Variants in ZNF669 observed in about 807,000 individuals in gnomAD.
ZNF669 encodes the protein zinc finger protein 669.
A neutral mutation model predicts 11.4 loss-of-function variants in ZNF669; 7 were observed. The observed-to-expected ratio is 0.62, with a 90% CI of 0.35 to 1.16. The LOEUF (loss-of-function observed/expected upper bound fraction) is 1.16, where lower values mean the gene tolerates loss of function less well. Among genes scored for constraint, ZNF669 ranks in the 50% most tolerant of loss-of-function variants. The pLI is 0.02. For missense variants in ZNF669, 492 were observed against 463.6 expected, an observed-to-expected ratio of 1.06 and a Z score of -0.56; for synonymous variants, 153 against 155.8, an observed-to-expected ratio of 0.98 and a Z score of 0.13.
In ZNF669 at chr1:247,100,577, C is replaced by T; in HGVS notation, c.934G>A (p.Ala312Thr). The change falls in exon 4 of 4, where the codon GCC becomes ACC. Residue 312 changes from alanine (A) to threonine (T), a missense_variant. Ala to Thr is a moderately conservative substitution (Grantham distance 58, BLOSUM62 0). Coordinates refer to ENST00000448299, the MANE Select transcript of ZNF669 (RefSeq NM_001142572.2). ...TGAAGGGAACTGAGGCGACTGAAGG[C>T]TTGATCACATTGTTTACATTCATAG... ...KPYECKQCDQ[A>T]FSRLSSLHLH... 1 of 1,614,158 alleles carries T rather than the reference C, an allele frequency of 6.2e-7. No individual in the cohort carries two copies. The highest frequency in any genetic ancestry group is 8.5e-7 in the Non-Finnish European group (1 of 1,180,016).
At chr1:247,104,071 C>G in intron 1 of ZNF669, 126 bp downstream of exon 1, 1 of 1,583,920 alleles carries the variant, frequency 6.3e-7, no homozygotes. Flanking sequence ...GGACTGAGCC[C>G]CGGCTACGCC....
At position 247,101,718 on chromosome 1, in the gene ZNF669, CAG is replaced by C. The variant is rs1558358634; in HGVS notation, c.191+11_191+12del. On this transcript the variant is annotated intron_variant, in intron 3 of 3. Transcript: ENST00000448299. ...TTCAGAGGACTTTATTTCCTCTGCT[CAG>C]TGCAAATTACCTTATATCTTTCCCA... 2 of 1,612,476 alleles carry C rather than the reference CAG, an allele frequency of 1.2e-6. No individual in the cohort carries two copies. Among genetic ancestry groups the C allele is most frequent in the Admixed American group, 3.3e-5 (2 of 59,830 alleles).
At chr1:247,103,758 T>C (rs1671778567) in intron 1 of ZNF669, among the ~76,000 whole-genome samples, 1 of 151,564 alleles carries the variant, frequency 6.6e-6, no homozygotes, top group South Asian at 2.1e-4. Flanking sequence ...ACCTGGTTTA[T>C]GAATCGCCGT....
Position 247,100,734 on chromosome 1 carries a change from A to C in ZNF669, c.777T>G (p.Cys259Trp), listed in dbSNP as rs764197088. ...KCTKCDKAFS[C>W]STSLRYHGSI... is the part of the protein sequence containing the mutation. The stretch of plus-strand genomic sequence containing the variant: ...TTCCATGGTAACGAAGGGAAGTGGA[A>C]CAGCTGAAGGCTTTATCACATTTGG... The change falls in exon 4 of 4, where the codon TGT (cysteine) becomes TGG (tryptophan). Residue 259 changes from cysteine (C) to tryptophan (W), a missense_variant. Cys to Trp is a radical substitution (Grantham distance 215, BLOSUM62 -2). Coordinates refer to ENST00000448299, the MANE Select transcript of ZNF669 (RefSeq NM_001142572.2). 1 of 1,614,218 alleles carries C rather than the reference A, an allele frequency of 6.2e-7. No homozygotes were observed. Among genetic ancestry groups the C allele is most frequent in the Non-Finnish European group, 8.5e-7 (1 of 1,180,018 alleles).
chr1:247,101,866 T>C (rs1266507255), intron 2 of ZNF669, 75 bp from the exon 3 acceptor site: 1 of 1,602,350 alleles, frequency 6.2e-7, no homozygotes, highest in Non-Finnish European at 8.5e-7. Flanking sequence ...ATGTTCACTG[T>C]ACACAGTGCC....
In ZNF669 at chr1:247,100,561, C is replaced by T; in HGVS notation, c.950G>A (p.Ser317Asn). 6.2e-7 allele frequency: 1 copy of T among 1,614,200 alleles called. No homozygotes were observed. The highest frequency in any genetic ancestry group is 8.5e-7 in the Non-Finnish European group (1 of 1,180,036). ...KQCDQAFSRL[S>N]SLHLHERIHT... The stretch of plus-strand genomic sequence containing the variant: ...AATTCTTTCGTGGAGGTGAAGGGAA[C>T]TGAGGCGACTGAAGGCTTGATCACA... Residue 317 changes from serine to asparagine, a missense_variant, in exon 4 of 4, where the codon AGT (serine) becomes AAT (asparagine). By Grantham distance (46) the Ser-to-Asn change is conservative. Transcript: ENST00000448299.
In ZNF669 at chr1:247,101,745, A is replaced by T; in HGVS notation, c.177T>A (p.Pro59=). The T allele has an allele frequency of 6.2e-7, 1 of 1,613,968 alleles. No homozygotes were observed. Among genetic ancestry groups the T allele is most frequent in the African/African-American group, 1.3e-5 (1 of 75,034 alleles). Residue 59 remains proline, a synonymous_variant, in exon 3 of 4, where the codon CCT becomes CCA. Transcript: ENST00000448299. ...GTGCAAATTACCTTATATCTTTCCC[A>T]GGTTTTTCGAAGTGATCTTCAATAT... ...DQNIEDHFEK[P]GKDIRNHIVQ... is the part of the protein sequence containing the mutation.
intron 3 of ZNF669, 86 bp downstream of exon 3, chr1:247,101,643 CTT>C (rs893923315): frequency 1.3e-5 from 16 of 1,263,924 alleles, no homozygotes; most frequent in East Asian, 4.7e-5. Context: ...TCAAGTGACT[CTT>C]ATTTGTTTTG....
rs1424714814 is a variant in ZNF669 at position 247,100,879 on chromosome 1, T to A, written c.632A>T (p.Glu211Val). The A allele has an allele frequency of 1.9e-6, 3 of 1,614,072 alleles. No homozygotes were observed. The African/African-American group carries it at 4.0e-5, about 22-fold the overall frequency. ...FTVSGSCLIH[E>V]RTHTGEKPYE... ...GGGTTTCTCTCCAGTGTGAGTTCGT[T>A]CATGTATTAGACAAGAACCGGAAAC... The change falls in exon 4 of 4, where the codon GAA (glutamate) becomes GTA (valine). Residue 211 changes from glutamate to valine, a missense_variant. By Grantham distance (121) the Glu-to-Val change is moderately radical (BLOSUM62 -2). Coordinates refer to ENST00000448299, the MANE Select transcript of ZNF669 (RefSeq NM_001142572.2).
chr1:247,101,738 C>A lies in ZNF669; in HGVS notation c.184G>T (p.Asp62Tyr), dbSNP rs765031275. ...IEDHFEKPGK[D>Y]IRNHIVQRLC... ...CTGCTCAGTGCAAATTACCTTATAT[C>A]TTTCCCAGGTTTTTCGAAGTGATCT... The change falls in exon 3 of 4, where the codon GAT becomes TAT. Residue 62 changes from aspartate to tyrosine, a missense_variant. Physicochemically the swap from Asp to Tyr is radical, Grantham distance 160. Transcript: ENST00000448299. 1 of 1,613,952 alleles carries A rather than the reference C, an allele frequency of 6.2e-7. No individual in the cohort carries two copies. The highest frequency in any genetic ancestry group is 2.2e-5 in the East Asian group (1 of 44,858).
Position 247,102,118 on chromosome 1 carries a change from A to G in ZNF669, c.4-5T>C. 1 of 1,596,428 alleles carries G rather than the reference A, an allele frequency of 6.3e-7. No individual in the cohort carries two copies. Among genetic ancestry groups the G allele is most frequent in the South Asian group, 1.1e-5 (1 of 88,948 alleles). On this transcript the variant is annotated splice_polypyrimidine_tract_variant and splice_region_variant and intron_variant, in intron 1 of 3. Coordinates refer to ENST00000448299, the MANE Select transcript of ZNF669 (RefSeq NM_001142572.2). ...ATCCTCAAAAGCCACCGAGTCCTAG[A>G]ACATTCCACACATGTGGATAGAAGG...
chr1:247,104,155 G>A, intron 1 of ZNF669, 42 bp downstream of exon 1: 2 of 1,553,356 alleles, frequency 1.3e-6, no homozygotes, highest in Non-Finnish European at 1.7e-6. Context: ...GTTTCAACCA[G>A]CCCTCTTCTC....
intron 1 of ZNF669, among the ~76,000 whole-genome samples, chr1:247,103,570 G>A (rs12080836): frequency 0.24 from 34,731 of 144,246 alleles, 4,643 homozygotes; most frequent in South Asian, 0.44. Context: ...GGAGTCAGAG[G>A]TTGCAATGAG....
chr1:247,101,311 A>G lies in ZNF669; in HGVS notation c.200T>C (p.Ile67Thr). ...TTTACTTTCACACAGTCTCTGTACG[A>G]TATGATTTCTGTAAAAAAATGACAA... Reference protein sequence around the residue: ...EKPGKDIRNHIVQRLCESKED... With the variant: ...EKPGKDIRNHTVQRLCESKED... The change falls in exon 4 of 4, where the codon ATC becomes ACC. Residue 67 changes from isoleucine to threonine, a missense_variant. Ile to Thr is a moderately conservative substitution (Grantham distance 89). Transcript: ENST00000448299. 1.3e-6 allele frequency: 2 copies of G among 1,550,844 alleles called. No homozygotes were observed. Among genetic ancestry groups the G allele is most frequent in the Non-Finnish European group, 1.7e-6 (2 of 1,155,610 alleles).
Position 247,101,162 on chromosome 1 carries a change from G to A in ZNF669, c.349C>T (p.Leu117Phe). 1.2e-6 allele frequency: 2 copies of A among 1,614,094 alleles called. No individual in the cohort carries two copies. The highest frequency in any genetic ancestry group is 1.7e-5 in the Admixed American group (1 of 60,028). The change falls in exon 4 of 4, where the codon CTC becomes TTC. Residue 117 changes from leucine (L) to phenylalanine (F), a missense_variant. By Grantham distance (22) the Leu-to-Phe change is conservative. Transcript: ENST00000448299. ...TGAGCTAGGATATGCCTATTAAGGA[G>A]GGAATGACGTACAAAGACTTTTCCA... ...ICGKVFVRHS[L>F]LNRHILAHSG...
chr1:247,102,986 T>C, intron 1 of ZNF669, among the ~76,000 whole-genome samples: 1 of 152,174 alleles, frequency 6.6e-6, no homozygotes, highest in Non-Finnish European at 1.5e-5. Flanking sequence ...TCACATAAAT[T>C]CCCAAATCAG....
At position 247,101,066 on chromosome 1, in the gene ZNF669, G is replaced by C. The variant is rs1671713785; in HGVS notation, c.445C>G (p.Pro149Ala). Reference sequence around the variant, plus strand: ...ATTATCATGTGTCTTCTAACACCTGGAACAGAAACGAAGAATTTCCCACAC... The same window carrying C: ...ATTATCATGTGTCTTCTAACACCTGCAACAGAAACGAAGAATTTCCCACAC... ...EQCGKFFVSV[P>A]GVRRHMIMHS... The change falls in exon 4 of 4, where the codon CCA becomes GCA. Residue 149 changes from proline (P) to alanine (A), a missense_variant. Pro to Ala is a conservative substitution (Grantham distance 27). Transcript: ENST00000448299. The C allele has an allele frequency of 3.1e-6, 5 of 1,613,918 alleles. No individual in the cohort carries two copies. Among genetic ancestry groups the C allele is most frequent in the Non-Finnish European group, 4.2e-6 (5 of 1,180,026 alleles).
At chr1:247,102,349 G>C (rs1338714878) in intron 1 of ZNF669, among the ~76,000 whole-genome samples, 2 of 152,188 alleles carry the variant, frequency 1.3e-5, no homozygotes, top group East Asian at 1.9e-4. Flanking sequence ...TCTCATTAGA[G>C]AATCCAGGGA....
Position 247,100,172 on chromosome 1 carries a change from G to C in ZNF669, c.*202C>G, listed in dbSNP as rs1671686100. 2 of 481,804 alleles carry C rather than the reference G, an allele frequency of 4.2e-6. No homozygotes were observed. Among genetic ancestry groups the C allele is most frequent in the Admixed American group, 7.7e-5 (2 of 25,900 alleles). The allele number at this position is 481,804 out of a possible 1,614,324, so 29.8% of individuals were successfully genotyped here. ...GCTAATTTTTTGTATTTTTAGTAGA[G>C]ACGGGGTTTCACCGTGTTGGCCAGG... On this transcript the variant is annotated 3_prime_UTR_variant, in exon 4 of 4. Coordinates refer to ENST00000448299, the MANE Select transcript of ZNF669 (RefSeq NM_001142572.2).
Sources: allele counts gnomAD v4.1 joint callset (sites outside exome capture counted in the v4.1 genomes callset), GRCh38; gene constraint gnomAD v4.1.1; transcripts MANE v1.5; gene names NCBI Gene and HGNC (gene_info 2026-07-23, HGNC 2026-07-21).